PLCB4: variants seen among roughly 807,000 people sequenced by gnomAD.
PLCB4 encodes the protein 1-phosphatidylinositol 4,5-bisphosphate phosphodiesterase beta-4.
In PLCB4, 77 loss-of-function variants were observed where a neutral mutation model predicts 178.8. That is an observed-to-expected ratio of 0.43 (90% CI 0.36 to 0.52). PLCB4 has a LOEUF of 0.52. PLCB4 is among the 20% of genes least tolerant of loss of function. The pLI, the probability that PLCB4 is intolerant of heterozygous loss-of-function variation, is 0.00. For missense variants in PLCB4, 1,024 were observed against 1,453.4 expected (o/e 0.70, Z 4.80); for synonymous variants, 496 against 490.8 (o/e 1.01, Z -0.14).
chr20:9,433,243 A>T (rs982314178), intron 28 of PLCB4, among the ~76,000 whole-genome samples: 3 of 152,200 alleles, frequency 2.0e-5, no homozygotes, highest in African/African-American at 7.2e-5. Context: ...CCTCAATGTG[A>T]TGCATATAAA....
intron 2 of PLCB4, among the ~76,000 whole-genome samples, chr20:9,097,530 C>A (rs1050790475): frequency 6.6e-6 from 1 of 152,098 alleles, no homozygotes; most frequent in Non-Finnish European, 1.5e-5. Flanking sequence ...GGCTCTCAGA[C>A]TGTAAGATTT....
In PLCB4 at chr20:9,426,860, G is replaced by A. The variant is rs142103010; in HGVS notation, c.2524+2908G>A. Among the ~76,000 whole-genome samples, 13 of 152,120 alleles carry A rather than the reference G, an allele frequency of 8.5e-5. No individual in the cohort carries two copies. The East Asian group carries it at 2.1e-3, about 25-fold the overall frequency. On this transcript the variant is annotated intron_variant, in intron 28 of 39. Coordinates refer to ENST00000378473, the MANE Select transcript of PLCB4 (RefSeq NM_001377142.1). ...AACACTGAAGTTTTCTTCCTTGGCC[G>A]CTGAGGAAACAGAGTTAGGAATTTG...
chr20:9,275,583 A>T (rs1458686549), intron 3 of PLCB4, among the ~76,000 whole-genome samples: 3 of 152,010 alleles, frequency 2.0e-5, no homozygotes, highest in African/African-American at 7.2e-5. Context: ...TCTTACTTTC[A>T]TACCACACAT....
In PLCB4 at chr20:9,079,870, T is replaced by G. The variant is rs530154891; in HGVS notation, c.-135+10664T>G. Among the ~76,000 whole-genome samples, 8 of 152,290 alleles carry G rather than the reference T, an allele frequency of 5.3e-5. No homozygotes were observed. The East Asian group carries it at 1.5e-3, about 29-fold the overall frequency. On this transcript the variant is annotated intron_variant, in intron 1 of 39. Coordinates refer to ENST00000378473, the MANE Select transcript of PLCB4 (RefSeq NM_001377142.1). ...TCCCTTTGGAAGGGATTATGCTTTA[T>G]GCTTCTTGGGAAATGCGTAGAATGG...
At chr20:9,239,222 A>G (rs374966410) in intron 3 of PLCB4, among the ~76,000 whole-genome samples, 13 of 152,192 alleles carry the variant, frequency 8.5e-5, no homozygotes, top group African/African-American at 3.1e-4. Flanking sequence ...CCTCTCTTGA[A>G]CTTTCTTCCT....
At chr20:9,361,817 A>T (rs1341033172) in intron 7 of PLCB4, among the ~76,000 whole-genome samples, 1 of 152,202 alleles carries the variant, frequency 6.6e-6, no homozygotes, top group African/African-American at 2.4e-5. Flanking sequence ...CCCATCTGTG[A>T]TGATGGAAAT....
chr20:9,186,479 A>C (rs985886990), intron 2 of PLCB4, among the ~76,000 whole-genome samples: 1 of 152,086 alleles, frequency 6.6e-6, no homozygotes, highest in Admixed American at 6.6e-5. Context: ...TTTTAATTCC[A>C]CTTATCTGAA....
At chr20:9,205,321 A>G (rs1027527819) in intron 2 of PLCB4, among the ~76,000 whole-genome samples, 1 of 152,192 alleles carries the variant, frequency 6.6e-6, no homozygotes, top group African/African-American at 2.4e-5. Flanking sequence ...GGGCTAAGCT[A>G]TGGTGTTTGG....
intron 3 of PLCB4, among the ~76,000 whole-genome samples, chr20:9,241,395 C>G (rs1432998829): frequency 7.3e-6 from 1 of 136,420 alleles, no homozygotes; most frequent in Non-Finnish European, 1.6e-5. Flanking sequence ...TGCATACACA[C>G]ACACACACAC....
intron 7 of PLCB4, among the ~76,000 whole-genome samples, chr20:9,351,843 G>T (rs1047723806): frequency 6.6e-6 from 1 of 152,124 alleles, no homozygotes; most frequent in African/African-American, 2.4e-5. Flanking sequence ...ATTTACTTTG[G>T]CATGACTTAA....
At chr20:9,403,670 T>C (rs2039215557) in intron 20 of PLCB4, among the ~76,000 whole-genome samples, 1 of 152,166 alleles carries the variant, frequency 6.6e-6, no homozygotes, top group African/African-American at 2.4e-5. Context: ...TTATTTGCCT[T>C]ATTTGAACAG....
At chr20:9,119,607 A>T (rs2091894229) in intron 2 of PLCB4, among the ~76,000 whole-genome samples, 1 of 151,880 alleles carries the variant, frequency 6.6e-6, no homozygotes, top group Admixed American at 6.6e-5. Context: ...AAATCATTTG[A>T]TCAACATCTA....
At chr20:9,340,079 A>G (rs1601945814) in intron 7 of PLCB4, among the ~76,000 whole-genome samples, 1 of 152,168 alleles carries the variant, frequency 6.6e-6, no homozygotes, top group East Asian at 1.9e-4. Context: ...TTGGAAACTC[A>G]GTGTAGGTTG....
chr20:9,401,593 C>T lies in PLCB4; in HGVS notation c.1611+3C>T, dbSNP rs370828088. On this transcript the variant is annotated splice_donor_region_variant and intron_variant, in intron 20 of 39. Coordinates refer to ENST00000378473, the MANE Select transcript of PLCB4 (RefSeq NM_001377142.1). The stretch of plus-strand genomic sequence containing the variant: ...CTGTTGCAAATAGCGTCAAGAAGGT[C>T]AGAGTCCCCTTTCTTTCATCACTCT... The T allele has an allele frequency of 8.5e-5, 136 of 1,590,808 alleles. No homozygotes were observed. In the African/African-American group the frequency reaches 1.8e-3, roughly 21 times the overall value.
At chr20:9,076,189 G>A (rs553552790) in intron 1 of PLCB4, among the ~76,000 whole-genome samples, 4 of 152,168 alleles carry the variant, frequency 2.6e-5, no homozygotes, top group East Asian at 1.9e-4. Context: ...ACACCTGGCC[G>A]GGCGCGATGG....
intron 2 of PLCB4, among the ~76,000 whole-genome samples, chr20:9,123,749 T>C (rs535243228): frequency 6.6e-6 from 1 of 152,174 alleles, no homozygotes; most frequent in African/African-American, 2.4e-5. Flanking sequence ...AGATGTAAAA[T>C]AGGTTTTCTT....
chr20:9,100,647 G>A (rs2091109674), intron 2 of PLCB4, among the ~76,000 whole-genome samples: 1 of 152,160 alleles, frequency 6.6e-6, no homozygotes, highest in African/African-American at 2.4e-5. Context: ...ATAGAGAATT[G>A]TGTTTATAAT....
At chr20:9,132,805 T>C (rs776544663) in intron 2 of PLCB4, among the ~76,000 whole-genome samples, 57 of 152,204 alleles carry the variant, frequency 3.7e-4, no homozygotes, top group Non-Finnish European at 7.1e-4. Context: ...TCTAGGGCAA[T>C]GGTTCTCAAC....
chr20:9,339,071 C>T, intron 7 of PLCB4, 34 bp downstream of exon 7: 5 of 1,554,196 alleles, frequency 3.2e-6, no homozygotes, highest in Middle Eastern at 3.4e-4. Context: ...TTCTCTTCCC[C>T]ACCATGTATA....
Sources: allele counts gnomAD v4.1 joint callset (sites outside exome capture counted in the v4.1 genomes callset), GRCh38; gene constraint gnomAD v4.1.1; transcripts MANE v1.5; gene names NCBI Gene and HGNC (gene_info 2026-07-23, HGNC 2026-07-21).